ANO5: variants seen among roughly 807,000 people sequenced by gnomAD.
ANO5 encodes anoctamin 5, also known as anoctamin-5.
ANO5 carries 109 observed loss-of-function variants against 121.0 expected under a neutral mutation model. The observed-to-expected ratio is 0.90, with a 90% CI of 0.77 to 1.06. The LOEUF is 1.06. Ranked by LOEUF, ANO5 falls within the 50% of genes least tolerant of loss-of-function variation. The pLI, the probability that ANO5 is intolerant of heterozygous loss-of-function variation, is 0.00. For missense variants in ANO5, 1,064 were observed against 1,078.5 expected (o/e 0.99, Z 0.19); for synonymous variants, 406 against 359.9 (o/e 1.13, Z -1.45).
intron 7 of ANO5, among the ~76,000 whole-genome samples, chr11:22,234,193 T>A (rs1351964225): frequency 6.6e-6 from 1 of 152,148 alleles, no homozygotes; most frequent in East Asian, 1.9e-4. Flanking sequence ...TCTGTGGTGT[T>A]GGCTATTATT....
In ANO5 at chr11:22,274,548, CTT is replaced by C. The variant is rs72105710; in HGVS notation, c.2236-11_2236-10del. On this transcript the variant is annotated intron_variant, in intron 19 of 21. Transcript: ENST00000324559. ...TAAATTGGCAGCTGATGATCTTCCT[CTT>C]TTTTTTTTTATTCTTCAGGCCTTTA... 137 of 1,262,936 alleles carry C rather than the reference CTT, an allele frequency of 1.1e-4. No individual in the cohort carries two copies. Among genetic ancestry groups the C allele is most frequent in the South Asian group, 3.2e-4 (21 of 66,196 alleles). 78.2% of individuals were successfully genotyped at this position (1,262,936 alleles called of 1,614,324 possible).
At chr11:22,209,153 T>G (rs1423384893) in intron 2 of ANO5, among the ~76,000 whole-genome samples, 3 of 151,978 alleles carry the variant, frequency 2.0e-5, no homozygotes, top group Non-Finnish European at 2.9e-5. Flanking sequence ...TGTGCTTTCA[T>G]GATTGCTTAA....
At position 22,227,403 on chromosome 11, in the gene ANO5, G is replaced by A. The variant is rs769346104; in HGVS notation, c.465G>A (p.Glu155=). 5 of 1,613,526 alleles carry A rather than the reference G, an allele frequency of 3.1e-6. No homozygotes were observed. The highest frequency in any genetic ancestry group is 1.1e-5 in the South Asian group (1 of 91,066). Residue 155 remains glutamate (E), a synonymous_variant, in exon 7 of 22, where the codon GAG becomes GAA. Transcript: ENST00000324559. ...EVLGIKMPIK[E]SDIPRPKHTP... ...TGGGAATCAAAATGCCTATTAAGGA[G>A]AGTGATATTCCCCGCCCTAAGCACA...
intron 18 of ANO5, 68 bp from the exon 19 acceptor site, chr11:22,272,716 T>G: frequency 7.0e-7 from 1 of 1,429,790 alleles, no homozygotes; most frequent in Non-Finnish European, 9.8e-7. Context: ...AGTAGCAGGA[T>G]TTGGGCAGGG....
chr11:22,230,794 T>G (rs372760306), intron 7 of ANO5, among the ~76,000 whole-genome samples: 2 of 152,072 alleles, frequency 1.3e-5, no homozygotes, highest in South Asian at 2.1e-4. Context: ...TAGGATTTCT[T>G]TATACTACCT....
rs75902503 is a variant in ANO5 at position 22,227,018 on chromosome 11, A to G, written c.364-284A>G. 0.011 allele frequency among the ~76,000 whole-genome samples: 1,651 copies of G among 152,200 alleles called. 42 individuals carry two copies. Among genetic ancestry groups the G allele is most frequent in the African/African-American group, 0.038 (1,575 of 41,538 alleles). Reference sequence around the variant, plus strand: ...ATTTAGAGATGAGTATACATTGACCATGAAATATATGTTTAAAAATAGTCT... The same window carrying G: ...ATTTAGAGATGAGTATACATTGACCGTGAAATATATGTTTAAAAATAGTCT... On this transcript the variant is annotated intron_variant, in intron 6 of 21. Coordinates refer to ENST00000324559, the MANE Select transcript of ANO5 (RefSeq NM_213599.3).
chr11:22,208,355 G>A (rs1387636048), intron 2 of ANO5, among the ~76,000 whole-genome samples: 1 of 151,840 alleles, frequency 6.6e-6, no homozygotes, highest in East Asian at 1.9e-4. Context: ...TCAGTAAAAA[G>A]GAACAAACTA....
At chr11:22,217,260 C>G (rs141244355) in intron 3 of ANO5, among the ~76,000 whole-genome samples, 15 of 151,982 alleles carry the variant, frequency 9.9e-5, no homozygotes, top group African/African-American at 3.4e-4. Context: ...TCAATTCTTG[C>G]TCATTTATGC....
At chr11:22,267,427 C>T (rs1022928931) in intron 17 of ANO5, among the ~76,000 whole-genome samples, 2 of 150,998 alleles carry the variant, frequency 1.3e-5, no homozygotes, top group Admixed American at 1.3e-4. Context: ...ATCTACAATA[C>T]TCTTCATCTA....
intron 2 of ANO5, among the ~76,000 whole-genome samples, chr11:22,205,220 G>A (rs1852079686): frequency 6.6e-6 from 1 of 152,046 alleles, no homozygotes; most frequent in Admixed American, 6.6e-5. Context: ...GGAGGAGGGA[G>A]AGGATCAGGA....
At chr11:22,228,073 T>G (rs1852907498) in intron 7 of ANO5, among the ~76,000 whole-genome samples, 1 of 152,088 alleles carries the variant, frequency 6.6e-6, no homozygotes, top group East Asian at 1.9e-4. Flanking sequence ...AATAGTCTTG[T>G]TTTCTCTGCA....
intron 1 of ANO5, among the ~76,000 whole-genome samples, chr11:22,202,678 G>C (rs1852000117): frequency 1.3e-5 from 2 of 152,140 alleles, no homozygotes; most frequent in East Asian, 1.9e-4. Flanking sequence ...TCTTTAATAA[G>C]GGCTCTAATC....
At chr11:22,234,415 T>G (rs554345168) in intron 7 of ANO5, among the ~76,000 whole-genome samples, 1 of 152,280 alleles carries the variant, frequency 6.6e-6, no homozygotes, top group Admixed American at 6.5e-5. Context: ...TTCACCATTC[T>G]TCCCCACAAG....
intron 7 of ANO5, among the ~76,000 whole-genome samples, chr11:22,230,241 C>T (rs1026237654): frequency 1.3e-5 from 2 of 151,666 alleles, no homozygotes. Flanking sequence ...AACATATGGC[C>T]AAGGAATTTC....
intron 20 of ANO5, 152 bp downstream of exon 20, chr11:22,274,899 A>G: frequency 9.0e-7 from 1 of 1,115,340 alleles, no homozygotes; most frequent in South Asian, 1.4e-5. Context: ...TAGAATTCAC[A>G]CATTGCATGA....
intron 9 of ANO5, among the ~76,000 whole-genome samples, chr11:22,242,306 A>G (rs1853458908): frequency 6.6e-6 from 1 of 152,110 alleles, no homozygotes; most frequent in Non-Finnish European, 1.5e-5. Context: ...GTTTGAAGCC[A>G]GGTAGTGTGA....
At chr11:22,236,442 A>T (rs1207879625) in intron 8 of ANO5, among the ~76,000 whole-genome samples, 166 bp downstream of exon 8, 1 of 152,210 alleles carries the variant, frequency 6.6e-6, no homozygotes, top group Non-Finnish European at 1.5e-5. Flanking sequence ...AGCTATGCTG[A>T]GATATATAGT....
intron 5 of ANO5, 135 bp from the exon 6 acceptor site, chr11:22,225,849 G>C (rs1432618944): frequency 1.5e-6 from 1 of 664,966 alleles, no homozygotes; most frequent in Non-Finnish European, 2.7e-6. Context: ...CATTCAGATG[G>C]AGCATTTTTA....
intron 6 of ANO5, among the ~76,000 whole-genome samples, chr11:22,226,479 T>G (rs1852836593): frequency 6.6e-6 from 1 of 152,126 alleles, no homozygotes; most frequent in African/African-American, 2.4e-5. Context: ...TTCTAGAATT[T>G]CCTTCAAAAT....
Sources: allele counts gnomAD v4.1 joint callset (sites outside exome capture counted in the v4.1 genomes callset), GRCh38; gene constraint gnomAD v4.1.1; transcripts MANE v1.5; gene names NCBI Gene and HGNC (gene_info 2026-07-23, HGNC 2026-07-21).